The following DPP10 variants were observed in gnomAD, a reference collection of about 807,000 sequenced individuals.
DPP10 encodes inactive dipeptidyl peptidase 10.
A neutral mutation model predicts 120.9 loss-of-function variants in DPP10; 33 were observed. That is an observed-to-expected ratio of 0.27 (90% CI 0.21 to 0.37). The LOEUF is 0.37. Among genes scored for constraint, DPP10 ranks in the 10% least tolerant of loss-of-function variants. DPP10 has a pLI of 1.00. For synonymous variants in DPP10, 337 were observed against 326.1 expected, an observed-to-expected ratio of 1.03 and a Z score of -0.36; for missense variants, 816 against 942.8, an observed-to-expected ratio of 0.87 and a Z score of 1.76.
At chr2:115,015,045 CA>C (rs57043547) in intron 1 of DPP10, among the ~76,000 whole-genome samples, 1 of 151,878 alleles carries the variant, frequency 6.6e-6, no homozygotes, top group African/African-American at 2.4e-5. Context: ...AGAGAAACAA[CA>C]AAAAAAGAAA....
intron 7 of DPP10, among the ~76,000 whole-genome samples, chr2:115,701,219 C>T (rs1457340193): frequency 1.3e-5 from 2 of 152,178 alleles, no homozygotes; most frequent in East Asian, 3.9e-4. Context: ...AATAGTGTGA[C>T]ATAAATTAAC....
intron 5 of DPP10, among the ~76,000 whole-genome samples, chr2:115,558,665 T>A (rs1051424154): frequency 6.6e-6 from 1 of 152,094 alleles, no homozygotes; most frequent in African/African-American, 2.4e-5. Context: ...GGATTATGTA[T>A]GTCAGGTTTT....
intron 1 of DPP10, among the ~76,000 whole-genome samples, chr2:115,011,224 G>T (rs1370746577): frequency 6.6e-6 from 1 of 152,108 alleles, no homozygotes; most frequent in Non-Finnish European, 1.5e-5. Flanking sequence ...AAACGCTTTG[G>T]GTGCCCTTAA....
Position 115,060,963 on chromosome 2 carries a change from T to C in DPP10, c.61-248276T>C, listed in dbSNP as rs563304118. Among the ~76,000 whole-genome samples the C allele has an allele frequency of 4.6e-5, 7 of 152,316 alleles. No individual in the cohort carries two copies. The South Asian group carries it at 1.4e-3, about 32-fold the overall frequency. On this transcript the variant is annotated intron_variant, in intron 1 of 25. Transcript: ENST00000410059. Reference sequence around the variant, plus strand: ...ATTTCATTGTCTCTCTGAGGGTCAATGTTTCTTGCTGAAGCTCATAATGGA... The same window carrying C: ...ATTTCATTGTCTCTCTGAGGGTCAACGTTTCTTGCTGAAGCTCATAATGGA...
intron 5 of DPP10, among the ~76,000 whole-genome samples, chr2:115,616,454 C>G (rs1392609134): frequency 2.0e-5 from 3 of 151,442 alleles, no homozygotes; most frequent in Admixed American, 6.6e-5. Flanking sequence ...AAGTCAGAAT[C>G]TAGACATGCA....
chr2:115,112,188 AATATTGT>A (rs747567330), intron 1 of DPP10, among the ~76,000 whole-genome samples: 26 of 152,204 alleles, frequency 1.7e-4, no homozygotes, highest in Non-Finnish European at 2.2e-4. Flanking sequence ...TAAAATCCAG[AATATTGT>A]ATATTTTTTC....
chr2:114,901,799 T>C (rs1303976835), intron 1 of DPP10, among the ~76,000 whole-genome samples: 1 of 152,144 alleles, frequency 6.6e-6, no homozygotes, highest in East Asian at 1.9e-4. Context: ...AACCTTAAGC[T>C]CTTTCTTCAA....
At chr2:114,677,863 G>A (rs767998650) in intron 1 of DPP10, among the ~76,000 whole-genome samples, 1 of 152,118 alleles carries the variant, frequency 6.6e-6, no homozygotes, top group Non-Finnish European at 1.5e-5. Context: ...ATTCATGAGA[G>A]TAGTTATTTA....
At chr2:115,374,729 G>T (rs1435306739) in intron 3 of DPP10, among the ~76,000 whole-genome samples, 1 of 152,244 alleles carries the variant, frequency 6.6e-6, no homozygotes, top group Non-Finnish European at 1.5e-5. Context: ...ACACCTGCAG[G>T]CCCAACACCA....
At chr2:115,090,370 A>G (rs955463375) in intron 1 of DPP10, among the ~76,000 whole-genome samples, 1 of 152,138 alleles carries the variant, frequency 6.6e-6, no homozygotes, top group Non-Finnish European at 1.5e-5. Context: ...GGGAAGGAGT[A>G]GATAAAATTC....
At chr2:115,364,922 C>T (rs1415080640) in intron 3 of DPP10, among the ~76,000 whole-genome samples, 1 of 151,856 alleles carries the variant, frequency 6.6e-6, no homozygotes, top group East Asian at 1.9e-4. Context: ...TATTTTTTCT[C>T]CTTCCAAAAA....
At chr2:115,204,561 C>T (rs10187556) in intron 1 of DPP10, among the ~76,000 whole-genome samples, 23,557 of 152,094 alleles carry the variant, frequency 0.15, 2,784 homozygotes, top group East Asian at 0.38. Context: ...CAGATGTTAC[C>T]ACCCTCATTT....
At chr2:115,001,313 A>C (rs1486480258) in intron 1 of DPP10, among the ~76,000 whole-genome samples, 1 of 152,232 alleles carries the variant, frequency 6.6e-6, no homozygotes, top group East Asian at 1.9e-4. Flanking sequence ...TGATTATCTT[A>C]ATAGATGCAG....
At chr2:114,555,968 A>G (rs1396601552) in intron 1 of DPP10, among the ~76,000 whole-genome samples, 4 of 152,092 alleles carry the variant, frequency 2.6e-5, no homozygotes, top group Admixed American at 6.6e-5. Flanking sequence ...GGTTGAAGAG[A>G]GAGCCAGGAG....
chr2:115,702,690 T>C (rs2091941460), intron 7 of DPP10, among the ~76,000 whole-genome samples: 1 of 152,000 alleles, frequency 6.6e-6, no homozygotes, highest in Non-Finnish European at 1.5e-5. Flanking sequence ...TTACTTACAG[T>C]TGGAAGGATT....
intron 7 of DPP10, among the ~76,000 whole-genome samples, chr2:115,709,268 G>A (rs1237931809): frequency 6.6e-6 from 1 of 152,070 alleles, no homozygotes; most frequent in Non-Finnish European, 1.5e-5. Context: ...CCAAGAGAAA[G>A]AGCCCTTGAG....
chr2:114,902,391 A>C (rs997883455), intron 1 of DPP10, among the ~76,000 whole-genome samples: 3 of 152,226 alleles, frequency 2.0e-5, no homozygotes, highest in African/African-American at 7.2e-5. Flanking sequence ...TTAAAAATGC[A>C]ACAGTCTATT....
chr2:115,071,224 CCCTG>C (rs1302590444), intron 1 of DPP10, among the ~76,000 whole-genome samples: 1 of 151,994 alleles, frequency 6.6e-6, no homozygotes, highest in African/African-American at 2.4e-5. Context: ...TTCTTATTCT[CCCTG>C]CCTATTTCTT....
chr2:115,757,517 G>A (rs1375230450), intron 11 of DPP10, among the ~76,000 whole-genome samples: 3 of 152,042 alleles, frequency 2.0e-5, no homozygotes, highest in African/African-American at 7.2e-5. Context: ...TCACTATCAT[G>A]AGAACAGCAA....
Sources: gnomAD v4.1 joint callset for allele counts (sites outside exome capture counted in the v4.1 genomes callset) on GRCh38, gnomAD v4.1.1 for gene constraint, MANE v1.5 for transcripts, NCBI Gene and HGNC (gene_info 2026-07-23, HGNC 2026-07-21) for gene names.